The following CHN2 variants were observed in gnomAD, a reference collection of about 807,000 sequenced individuals.
The protein encoded by CHN2 is chimerin 2.
CHN2 carries 35 observed loss-of-function variants against 56.3 expected under a neutral mutation model. The observed-to-expected ratio is 0.62, with a 90% CI of 0.47 to 0.82. The LOEUF is 0.82. CHN2 is among the 40% of genes least tolerant of loss of function. CHN2 has a pLI of 0.00. For missense variants in CHN2, 491 were observed against 580.5 expected (o/e 0.85, Z 1.58); for synonymous variants, 210 against 212.8 (o/e 0.99, Z 0.12).
At chr7:29,470,948 T>C (rs1307382737) in intron 6 of CHN2, among the ~76,000 whole-genome samples, 4 of 152,118 alleles carry the variant, frequency 2.6e-5, no homozygotes, top group Non-Finnish European at 4.4e-5. Flanking sequence ...CAAATGAATA[T>C]GGAATATGAG....
chr7:29,512,873 G>A lies in CHN2; in HGVS notation c.*138G>A. On this transcript the variant is annotated 3_prime_UTR_variant, in exon 13 of 13. Transcript: ENST00000222792. Reference sequence around the variant, plus strand: ...CTGGACTGCAGAGGATCGCTGAGTGGGGTACTGTGTCTCATAGACATGCGC... The same window carrying A: ...CTGGACTGCAGAGGATCGCTGAGTGAGGTACTGTGTCTCATAGACATGCGC... 1.1e-6 allele frequency: 1 copy of A among 924,306 alleles called. No homozygotes were observed. The highest frequency in any genetic ancestry group is 1.8e-5 in the South Asian group (1 of 56,044). 57.3% of individuals were successfully genotyped at this position (924,306 alleles called of 1,614,324 possible).
intron 1 of CHN2, among the ~76,000 whole-genome samples, chr7:29,307,228 A>T (rs1230996766): frequency 6.6e-6 from 1 of 152,250 alleles, no homozygotes; most frequent in East Asian, 1.9e-4. Flanking sequence ...ATACATTTTT[A>T]AAAGCCTAAT....
chr7:29,451,049 G>A (rs1481487449), intron 6 of CHN2, among the ~76,000 whole-genome samples: 1 of 152,074 alleles, frequency 6.6e-6, no homozygotes, highest in Non-Finnish European at 1.5e-5. Context: ...GATTATAGGC[G>A]TGAGCCATCA....
In CHN2 at chr7:29,304,563, A is replaced by G. The variant is rs79018836; in HGVS notation, c.50-50062A>G. ...CTTATATAACACTATGTTAAATGGA[A>G]CTATTTTAATCCAGGTTTTGCCTGG... On this transcript the variant is annotated intron_variant, in intron 1 of 12. Transcript: ENST00000222792. Among the ~76,000 whole-genome samples the G allele has an allele frequency of 7.9e-3, 1,209 of 152,374 alleles. 5 individuals carry two copies. The highest frequency in any genetic ancestry group is 0.012 in the Non-Finnish European group (836 of 68,044).
chr7:29,274,711 A>G (rs1489574959), intron 1 of CHN2, among the ~76,000 whole-genome samples: 1 of 151,258 alleles, frequency 6.6e-6, no homozygotes, highest in East Asian at 1.9e-4. Flanking sequence ...CTATTAAAAC[A>G]AACAAAACAC....
At chr7:29,273,375 A>ATGTG (rs1790895576) in intron 1 of CHN2, among the ~76,000 whole-genome samples, 3 of 50,826 alleles carry the variant, frequency 5.9e-5, no homozygotes, top group Non-Finnish European at 1.0e-4. Flanking sequence ...ATATATATAT[A>ATGTG]TATATATATA....
intron 1 of CHN2, among the ~76,000 whole-genome samples, chr7:29,209,982 C>G (rs928765637): frequency 1.3e-5 from 2 of 152,120 alleles, no homozygotes; most frequent in Admixed American, 6.5e-5. Flanking sequence ...GTAGTTCTTT[C>G]TCAGCATTTA....
intron 6 of CHN2, among the ~76,000 whole-genome samples, chr7:29,428,905 T>A (rs960008796): frequency 2.0e-5 from 3 of 152,122 alleles, no homozygotes; most frequent in Admixed American, 6.5e-5. Flanking sequence ...GAAGATGCAA[T>A]GATGTAAATC....
chr7:29,363,358 G>A (rs1585165189), intron 2 of CHN2, among the ~76,000 whole-genome samples: 1 of 152,216 alleles, frequency 6.6e-6, no homozygotes, highest in African/African-American at 2.4e-5. Flanking sequence ...GGTGATGCGT[G>A]CCTGTAGTCC....
intron 1 of CHN2, among the ~76,000 whole-genome samples, chr7:29,324,947 A>G (rs568885594): frequency 2.2e-4 from 33 of 152,132 alleles, no homozygotes; most frequent in South Asian, 8.3e-4. Context: ...ATAATTGTCA[A>G]TCATCAAGTT....
At chr7:29,414,479 T>A (rs2128100003) in intron 6 of CHN2, among the ~76,000 whole-genome samples, 1 of 152,134 alleles carries the variant, frequency 6.6e-6, no homozygotes, top group Non-Finnish European at 1.5e-5. Context: ...CTCTGAGAGT[T>A]GGGAATTGGA....
chr7:29,280,612 T>C (rs1022383352), intron 1 of CHN2, among the ~76,000 whole-genome samples: 1 of 152,106 alleles, frequency 6.6e-6, no homozygotes, highest in Non-Finnish European at 1.5e-5. Flanking sequence ...TACAAGGCAC[T>C]GGGTGTAGAA....
At chr7:29,164,800 A>C (rs1260930974) in intron 2 of CHN2, among the ~76,000 whole-genome samples, 3 of 150,538 alleles carry the variant, frequency 2.0e-5, no homozygotes, top group African/African-American at 4.9e-5. Context: ...AAAAAAAAAA[A>C]ACAAAGATTA....
intron 1 of CHN2, among the ~76,000 whole-genome samples, chr7:29,223,700 G>A (rs1785975416): frequency 6.6e-6 from 1 of 152,068 alleles, no homozygotes; most frequent in South Asian, 2.1e-4. Flanking sequence ...TTGCTTCCAA[G>A]TTGGGATTAT....
At chr7:29,176,047 G>A (rs1405978923) in intron 2 of CHN2, among the ~76,000 whole-genome samples, 20 of 152,120 alleles carry the variant, frequency 1.3e-4, no homozygotes, top group Admixed American at 5.2e-4. Flanking sequence ...TTAGCCAGGC[G>A]TGGTGGTGGG....
At chr7:29,194,328 C>G (rs1379181631), upstream of CHN2, 1 of 152,194 alleles carries the variant, frequency 6.6e-6, no homozygotes, top group Non-Finnish European at 1.5e-5. Flanking sequence ...GTCCAGCAGT[C>G]CGCAGCCTCC....
chr7:29,343,941 C>G (rs114668821), intron 1 of CHN2, among the ~76,000 whole-genome samples: 86 of 152,348 alleles, frequency 5.6e-4, no homozygotes, highest in African/African-American at 2.0e-3. Flanking sequence ...AAGCTGAGAG[C>G]CTTGCTGTCT....
At chr7:29,162,615 C>T (rs1013915909) in intron 2 of CHN2, among the ~76,000 whole-genome samples, 2 of 147,144 alleles carry the variant, frequency 1.4e-5, no homozygotes, top group African/African-American at 2.5e-5. Flanking sequence ...GAGCCGAGAT[C>T]GTGCCATTGC....
intron 1 of CHN2, among the ~76,000 whole-genome samples, chr7:29,352,744 C>G (rs1005247502): frequency 7.3e-5 from 11 of 151,672 alleles, no homozygotes; most frequent in Non-Finnish European, 1.5e-4. Flanking sequence ...AAACAAAAAA[C>G]AAAAAAAGCA....
Sources: gnomAD v4.1 joint callset for allele counts (sites outside exome capture counted in the v4.1 genomes callset) on GRCh38, gnomAD v4.1.1 for gene constraint, MANE v1.5 for transcripts, NCBI Gene and HGNC (gene_info 2026-07-23, HGNC 2026-07-21) for gene names.